The following NRG3 variants were observed in gnomAD, a reference collection of about 807,000 sequenced individuals.
NRG3 encodes pro-neuregulin-3, membrane-bound isoform.
A neutral mutation model predicts 66.9 loss-of-function variants in NRG3; 31 were observed. The ratio of observed to expected loss-of-function variants is 0.46; its 90% CI spans 0.35 to 0.63. The LOEUF (loss-of-function observed/expected upper bound fraction) is 0.63, where lower values mean the gene tolerates loss of function less well. Among genes scored for constraint, NRG3 ranks in the 20% least tolerant of loss-of-function variants. The pLI is 0.00. For missense variants in NRG3, 910 were observed against 878.9 expected, an observed-to-expected ratio of 1.04 and a Z score of -0.45; for synonymous variants, 393 against 359.4, an observed-to-expected ratio of 1.09 and a Z score of -1.06.
At chr10:82,718,457 A>C (rs571481536) in intron 2 of NRG3, among the ~76,000 whole-genome samples, 2 of 152,332 alleles carry the variant, frequency 1.3e-5, no homozygotes, top group East Asian at 3.9e-4. Flanking sequence ...GTTCTACTAT[A>C]TAAATTGACA....
chr10:82,225,987 T>G (rs1433723445), intron 1 of NRG3, among the ~76,000 whole-genome samples: 1 of 152,162 alleles, frequency 6.6e-6, no homozygotes, highest in Non-Finnish European at 1.5e-5. Flanking sequence ...GTATTACTTT[T>G]TTATTGTTGT....
intron 1 of NRG3, among the ~76,000 whole-genome samples, chr10:82,257,352 G>A (rs1212479371): frequency 6.6e-6 from 1 of 152,044 alleles, no homozygotes; most frequent in African/African-American, 2.4e-5. Context: ...GTTACAGTGT[G>A]TTTCATAAAA....
At chr10:82,787,709 T>C (rs539166464) in intron 3 of NRG3, among the ~76,000 whole-genome samples, 83 of 152,318 alleles carry the variant, frequency 5.4e-4, no homozygotes, top group African/African-American at 3.6e-4. Flanking sequence ...TGACATTGTC[T>C]GGCCTTGTTT....
intron 2 of NRG3, among the ~76,000 whole-genome samples, chr10:82,393,965 T>A (rs1032718958): frequency 1.3e-5 from 2 of 152,218 alleles, no homozygotes; most frequent in African/African-American, 4.8e-5. Flanking sequence ...ATTATTCACC[T>A]TTTTATTCCA....
chr10:82,365,120 A>C (rs529104923), intron 2 of NRG3, among the ~76,000 whole-genome samples: 87 of 152,364 alleles, frequency 5.7e-4, no homozygotes, highest in Non-Finnish European at 1.2e-3. Context: ...TTGGAGGTCC[A>C]TTAGCTCTTC....
chr10:82,724,220 A>AT (rs200359347), intron 2 of NRG3, among the ~76,000 whole-genome samples: 19,885 of 145,032 alleles, frequency 0.14, 1,966 homozygotes, highest in African/African-American at 0.28. Context: ...GGCCTATGCT[A>AT]CTTTTTTTTT....
intron 1 of NRG3, among the ~76,000 whole-genome samples, chr10:81,978,937 T>A (rs1351357633): frequency 6.6e-6 from 1 of 152,112 alleles, no homozygotes; most frequent in East Asian, 1.9e-4. Flanking sequence ...ATGCCTGTAA[T>A]CCCAGCACTT....
At chr10:82,962,241 GT>G (rs1017097166) in intron 6 of NRG3, among the ~76,000 whole-genome samples, 4 of 152,148 alleles carry the variant, frequency 2.6e-5, no homozygotes, top group African/African-American at 9.7e-5. Context: ...CTCCTTTGCT[GT>G]GTCTCAAGTA....
At chr10:82,486,453 C>T (rs4306249) in intron 2 of NRG3, among the ~76,000 whole-genome samples, 85,934 of 151,148 alleles carry the variant, frequency 0.57, 28,281 homozygotes, top group South Asian at 0.77. Context: ...CTTGCTCTGT[C>T]GCCCAGGCTG....
At chr10:81,944,245 T>A (rs1333237871) in intron 1 of NRG3, among the ~76,000 whole-genome samples, 2 of 152,226 alleles carry the variant, frequency 1.3e-5, no homozygotes, top group Middle Eastern at 3.2e-3. Flanking sequence ...GAGCTCATAA[T>A]ATACAAAGAG....
intron 7 of NRG3, among the ~76,000 whole-genome samples, chr10:82,975,304 A>G (rs2132606915): frequency 6.6e-6 from 1 of 152,362 alleles, no homozygotes; most frequent in East Asian, 1.9e-4. Context: ...CAAGTAATTC[A>G]GTATAATATC....
At chr10:82,551,650 A>T (rs73311949) in intron 2 of NRG3, among the ~76,000 whole-genome samples, 5,756 of 151,328 alleles carry the variant, frequency 0.038, 206 homozygotes, top group African/African-American at 0.095. Flanking sequence ...CAAAACAACT[A>T]CCTAGCTTAA....
rs865854818 is a variant in NRG3 at position 82,368,386 on chromosome 10, G to A, written c.953+9518G>A. Among the ~76,000 whole-genome samples, 24 of 138,730 alleles carry A rather than the reference G, an allele frequency of 1.7e-4. 1 individual carries two copies. The highest frequency in any genetic ancestry group is 2.5e-4 in the Non-Finnish European group (17 of 67,564). The allele number at this position is 138,730 out of a possible 152,430, so 91.0% of individuals were successfully genotyped here. ...TTTAAAAACACAATAATACCAGATC[G>A]TGCACAAGAACACATTTTAGAATCA... On this transcript the variant is annotated intron_variant, in intron 2 of 8. Coordinates refer to ENST00000372141, the MANE Select transcript of NRG3 (RefSeq NM_001010848.4).
chr10:82,568,185 A>G (rs533768822), intron 2 of NRG3, among the ~76,000 whole-genome samples: 16 of 151,986 alleles, frequency 1.1e-4, no homozygotes, highest in East Asian at 5.8e-4. Context: ...AGCTTCTAGG[A>G]GTATTCTTGA....
At chr10:82,629,156 CA>C (rs2049635782) in intron 2 of NRG3, among the ~76,000 whole-genome samples, 1 of 152,132 alleles carries the variant, frequency 6.6e-6, no homozygotes, top group African/African-American at 2.4e-5. Flanking sequence ...ACAGGCTGTG[CA>C]ACCTTTTCCC....
At chr10:82,271,847 T>G (rs1252608162) in intron 1 of NRG3, among the ~76,000 whole-genome samples, 1 of 152,144 alleles carries the variant, frequency 6.6e-6, no homozygotes, top group Non-Finnish European at 1.5e-5. Context: ...GCTTATCTTG[T>G]TCTTTTCCTG....
At position 82,332,352 on chromosome 10, in the gene NRG3, T is replaced by C. The variant is rs187738180; in HGVS notation, c.824-26387T>C. Among the ~76,000 whole-genome samples the C allele has an allele frequency of 2.0e-4, 30 of 152,296 alleles. No homozygotes were observed. In the East Asian group the frequency reaches 5.4e-3, roughly 27 times the overall value. On this transcript the variant is annotated intron_variant, in intron 1 of 8. Transcript: ENST00000372141. ...CACCACCAACTGCCTGTTGATGTCATGGGGAACCAGGGTAATGGGGAGCGG... is the reference window on the plus strand; with the variant it reads ...CACCACCAACTGCCTGTTGATGTCACGGGGAACCAGGGTAATGGGGAGCGG...
At chr10:82,427,634 T>C (rs1400078749) in intron 2 of NRG3, among the ~76,000 whole-genome samples, 1 of 152,142 alleles carries the variant, frequency 6.6e-6, no homozygotes, top group Non-Finnish European at 1.5e-5. Context: ...GAAGGAATAT[T>C]GGTTCGTAGC....
intron 2 of NRG3, among the ~76,000 whole-genome samples, chr10:82,532,075 G>A (rs972907198): frequency 2.0e-5 from 3 of 151,718 alleles, no homozygotes; most frequent in African/African-American, 7.3e-5. Context: ...GATACAATGG[G>A]CAAGGATCAA....
Sources: gnomAD v4.1 joint callset for allele counts (sites outside exome capture counted in the v4.1 genomes callset) on GRCh38, gnomAD v4.1.1 for gene constraint, MANE v1.5 for transcripts, NCBI Gene and HGNC (gene_info 2026-07-23, HGNC 2026-07-21) for gene names.